Variants in DRC8 observed in about 807,000 individuals in gnomAD.
The protein encoded by DRC8 is dynein regulatory complex protein 8.
chr1:245,033,394 T>A, the DRC8 span, among the ~76,000 whole-genome samples: 3 of 151,958 alleles, frequency 2.0e-5, no homozygotes, highest in African/African-American at 7.3e-5. Context: ...CTTGTCTACG[T>A]TGGGAAAAGG....
chr1:245,041,527 G>A, the DRC8 span, among the ~76,000 whole-genome samples: 40,943 of 151,996 alleles, frequency 0.27, 5,898 homozygotes, highest in Middle Eastern at 0.35. Flanking sequence ...TGGTGGCCAG[G>A]CAAGCTTGGT....
the DRC8 span, among the ~76,000 whole-genome samples, chr1:245,011,222 A>G: frequency 6.6e-6 from 1 of 152,224 alleles, no homozygotes; most frequent in Admixed American, 6.5e-5. Context: ...ATCAGAAAGC[A>G]AAAATATCAC....
At chr1:245,060,044 G>A in the DRC8 span, among the ~76,000 whole-genome samples, 1 of 152,110 alleles carries the variant, frequency 6.6e-6, no homozygotes, top group Admixed American at 6.5e-5. Context: ...CAACAACAGA[G>A]ACTTTAAGGG....
At chr1:245,119,447 G>A in the DRC8 span, among the ~76,000 whole-genome samples, 1 of 151,906 alleles carries the variant, frequency 6.6e-6, no homozygotes, top group Non-Finnish European at 1.5e-5. Context: ...GCCGAGGCAG[G>A]AGGCCAGGAG....
chr1:245,098,745 AT>A, the DRC8 span, among the ~76,000 whole-genome samples: 1 of 152,334 alleles, frequency 6.6e-6, no homozygotes, highest in East Asian at 1.9e-4. Context: ...TGTCTCTGAA[AT>A]TCTTGTGACC....
the DRC8 span, among the ~76,000 whole-genome samples, chr1:245,000,371 T>C: frequency 5.3e-5 from 8 of 152,198 alleles, no homozygotes; most frequent in Admixed American, 1.3e-4. Flanking sequence ...AATTTTCCAT[T>C]TAATATATTT....
chr1:245,092,764 T>C, the DRC8 span, among the ~76,000 whole-genome samples: 1 of 152,226 alleles, frequency 6.6e-6, no homozygotes, highest in Non-Finnish European at 1.5e-5. Context: ...TAGGCTCTGC[T>C]GCTTACTGAT....
chr1:245,095,489 C>T, the DRC8 span, among the ~76,000 whole-genome samples: 3 of 152,278 alleles, frequency 2.0e-5, no homozygotes, highest in Admixed American at 2.0e-4. Flanking sequence ...TAAAACATAA[C>T]TTTGAGTGAC....
the DRC8 span, among the ~76,000 whole-genome samples, chr1:244,984,139 A>G: frequency 1.5e-4 from 23 of 149,160 alleles, no homozygotes; most frequent in Admixed American, 4.7e-4. Flanking sequence ...GGGGGGGGGG[A>G]ATAATTTTGT....
the DRC8 span, among the ~76,000 whole-genome samples, chr1:244,984,196 A>G: frequency 2.0e-4 from 30 of 152,190 alleles, no homozygotes; most frequent in Admixed American, 1.3e-3. Flanking sequence ...GGATAACCCA[A>G]TTTCCCAATT....
the DRC8 span, among the ~76,000 whole-genome samples, chr1:245,099,619 TATTA>T: frequency 6.6e-6 from 1 of 152,208 alleles, no homozygotes; most frequent in African/African-American, 2.4e-5. Context: ...AACAAAGGCC[TATTA>T]ATTCTGCCCC....
the DRC8 span, among the ~76,000 whole-genome samples, chr1:245,029,498 A>G: frequency 1.3e-5 from 2 of 151,622 alleles, no homozygotes; most frequent in Non-Finnish European, 2.9e-5. Flanking sequence ...GGGTTTCACT[A>G]TGTTGGCCAG....
At chr1:245,019,819 G>T in the DRC8 span, among the ~76,000 whole-genome samples, 1 of 152,094 alleles carries the variant, frequency 6.6e-6, no homozygotes, top group African/African-American at 2.4e-5. Context: ...AAAATAATTA[G>T]CTGGGCATGG....
chr1:244,988,354 T>C, the DRC8 span, among the ~76,000 whole-genome samples: 1 of 152,252 alleles, frequency 6.6e-6, no homozygotes, highest in South Asian at 2.1e-4. Context: ...CATTTTGTTA[T>C]TATATTGACA....
chr1:245,062,229 A>C, the DRC8 span, among the ~76,000 whole-genome samples: 2 of 152,220 alleles, frequency 1.3e-5, no homozygotes, highest in Non-Finnish European at 2.9e-5. Context: ...TATAACTTTC[A>C]GCCCTTTGCT....
the DRC8 span, among the ~76,000 whole-genome samples, chr1:245,011,843 A>G: frequency 6.6e-6 from 1 of 152,256 alleles, no homozygotes; most frequent in Non-Finnish European, 1.5e-5. Flanking sequence ...AAATGACCAT[A>G]TAGAACTACA....
At chr1:245,008,672 T>TC in the DRC8 span, among the ~76,000 whole-genome samples, 3 of 148,622 alleles carry the variant, frequency 2.0e-5, no homozygotes, top group Non-Finnish European at 4.5e-5. Context: ...TTCTCACACT[T>TC]TTTTTTTTTT....
the DRC8 span, among the ~76,000 whole-genome samples, chr1:245,001,144 G>T: frequency 6.6e-6 from 1 of 152,140 alleles, no homozygotes; most frequent in East Asian, 1.9e-4. Flanking sequence ...ATGTATACTT[G>T]TTAAGTACTT....
At chr1:245,105,680 A>G in the DRC8 span, among the ~76,000 whole-genome samples, 1 of 152,116 alleles carries the variant, frequency 6.6e-6, no homozygotes. Flanking sequence ...TTCTGCCATC[A>G]ACTATTCGGC....
Sources: gnomAD v4.1 joint callset for allele counts (sites outside exome capture counted in the v4.1 genomes callset) on GRCh38, gnomAD v4.1.1 for gene constraint, MANE v1.5 for transcripts, NCBI Gene and HGNC (gene_info 2026-07-23, HGNC 2026-07-21) for gene names.